The following WDPCP variants were observed in gnomAD, a reference collection of about 807,000 sequenced individuals.
WDPCP encodes the protein WD repeat containing planar cell polarity effector, also known as WD repeat-containing and planar cell polarity effector protein fritz homolog.
WDPCP carries 71 observed loss-of-function variants against 93.1 expected under a neutral mutation model. The ratio of observed to expected loss-of-function variants is 0.76; its 90% CI spans 0.63 to 0.93. The LOEUF is 0.93. Among genes scored for constraint, WDPCP ranks in the 40% least tolerant of loss-of-function variants. The probability of loss-of-function intolerance (pLI) is 0.00; values close to 1 mark genes in which losing one functional copy is unlikely to be tolerated. For missense variants in WDPCP, 844 were observed against 887.4 expected (o/e 0.95, Z 0.62); for synonymous variants, 315 against 315.0 (o/e 1.00, Z 0.00).
At chr2:63,235,416 T>C (rs1285252619) in intron 14 of WDPCP, among the ~76,000 whole-genome samples, 6 of 152,152 alleles carry the variant, frequency 3.9e-5, no homozygotes, top group Non-Finnish European at 5.9e-5. Context: ...TTAAACCAGA[T>C]GTACAAAGAA....
chr2:63,472,361 T>C (rs190992209), intron 6 of WDPCP, among the ~76,000 whole-genome samples: 1 of 152,004 alleles, frequency 6.6e-6, no homozygotes, highest in East Asian at 1.9e-4. Flanking sequence ...TTTCTTTTAT[T>C]CTTCTCTTCT....
chr2:63,532,211 G>A (rs1282339191), intron 1 of WDPCP, among the ~76,000 whole-genome samples: 2 of 152,222 alleles, frequency 1.3e-5, no homozygotes, highest in Admixed American at 6.5e-5. Context: ...ATGGTAATAT[G>A]TGAAAAGACC....
At chr2:63,688,425 TAA>T (rs778929957) in intron 2 of WDPCP, among the ~76,000 whole-genome samples, 11 of 135,620 alleles carry the variant, frequency 8.1e-5, no homozygotes, top group Non-Finnish European at 6.4e-5. Context: ...AGACTCCATC[TAA>T]AAAAAAAAAA....
chr2:63,281,426 C>G (rs750549395), intron 13 of WDPCP, among the ~76,000 whole-genome samples: 4 of 152,154 alleles, frequency 2.6e-5, no homozygotes, highest in African/African-American at 4.8e-5. Flanking sequence ...TGTGGAGATT[C>G]TGTGAAGAAC....
chr2:63,628,137 C>T (rs1258577119), intron 3 of WDPCP, among the ~76,000 whole-genome samples: 1 of 152,134 alleles, frequency 6.6e-6, no homozygotes. Flanking sequence ...GCAGCCTTGT[C>T]GCCGAGGCCC....
intron 17 of WDPCP, among the ~76,000 whole-genome samples, chr2:63,150,522 C>G (rs1028783253): frequency 1.3e-5 from 2 of 152,164 alleles, no homozygotes; most frequent in Non-Finnish European, 2.9e-5. Context: ...GAGCCAGACT[C>G]TTTGGGTTTG....
At chr2:63,750,055 A>AAT (rs1030531306) in intron 2 of WDPCP, among the ~76,000 whole-genome samples, 16 of 152,026 alleles carry the variant, frequency 1.1e-4, no homozygotes, top group African/African-American at 3.6e-4. Context: ...ACAGTGGGAG[A>AAT]ATATATATAT....
chr2:63,248,751 C>T (rs992998330), intron 14 of WDPCP, among the ~76,000 whole-genome samples: 1 of 152,028 alleles, frequency 6.6e-6, no homozygotes, highest in Non-Finnish European at 1.5e-5. Context: ...TTTCAAATAT[C>T]GTATCATAAA....
At position 63,548,833 on chromosome 2, in the gene WDPCP, A is replaced by G. The variant is rs541220000; in HGVS notation, c.75+39364T>C. 3.3e-5 allele frequency among the ~76,000 whole-genome samples: 5 copies of G among 152,280 alleles called. No homozygotes were observed. In the East Asian group the frequency reaches 9.6e-4, roughly 29 times the overall value. On this transcript the variant is annotated intron_variant, in intron 1 of 17. Coordinates refer to ENST00000272321, the MANE Select transcript of WDPCP (RefSeq NM_015910.7). ...AACTAATTCAGCTAGAACTCAACCAAAAAATAATTAAAATAAATGTCTATA... is the reference window on the plus strand; with the variant it reads ...AACTAATTCAGCTAGAACTCAACCAGAAAATAATTAAAATAAATGTCTATA...
At chr2:63,666,455 G>T (rs17619012) in intron 2 of WDPCP, among the ~76,000 whole-genome samples, 25,676 of 152,128 alleles carry the variant, frequency 0.17, 2,940 homozygotes, top group Non-Finnish European at 0.23. Flanking sequence ...ACATGGAATT[G>T]GTTCTCCGTG....
At chr2:63,402,048 C>T (rs1489965379) in intron 10 of WDPCP, among the ~76,000 whole-genome samples, 1 of 151,982 alleles carries the variant, frequency 6.6e-6, no homozygotes, top group Non-Finnish European at 1.5e-5. Flanking sequence ...TTTAAGATAG[C>T]AAAGACATGG....
chr2:63,231,990 C>A (rs1296954799), intron 14 of WDPCP, among the ~76,000 whole-genome samples: 3 of 152,106 alleles, frequency 2.0e-5, no homozygotes, highest in South Asian at 4.1e-4. Flanking sequence ...GAGATATAGA[C>A]CAATGCAACA....
chr2:63,167,919 A>G (rs749677276), intron 15 of WDPCP, among the ~76,000 whole-genome samples: 1 of 152,118 alleles, frequency 6.6e-6, no homozygotes, highest in Non-Finnish European at 1.5e-5. Context: ...GTTCAAGACT[A>G]GCCTGGGCAA....
chr2:63,786,648 C>T (rs1670470022), intron 2 of WDPCP, among the ~76,000 whole-genome samples: 1 of 152,178 alleles, frequency 6.6e-6, no homozygotes, highest in African/African-American at 2.4e-5. Context: ...GACTTGGCCA[C>T]TTACACGGCC....
chr2:63,699,211 T>C (rs1669009637), intron 2 of WDPCP, among the ~76,000 whole-genome samples: 1 of 152,176 alleles, frequency 6.6e-6, no homozygotes, highest in Non-Finnish European at 1.5e-5. Flanking sequence ...TGTAGGTCTC[T>C]CTCTGGCTCA....
chr2:63,274,648 A>G (rs1043444948), intron 13 of WDPCP, among the ~76,000 whole-genome samples: 1 of 152,184 alleles, frequency 6.6e-6, no homozygotes, highest in Non-Finnish European at 1.5e-5. Flanking sequence ...AAAGAAACAG[A>G]AAGGATCATC....
chr2:63,585,746 AG>A, intron 1 of WDPCP, among the ~76,000 whole-genome samples: 2 of 152,306 alleles, frequency 1.3e-5, no homozygotes, highest in East Asian at 1.9e-4. Flanking sequence ...ACTTCATTAA[AG>A]AAAACATTAA....
At chr2:63,811,069 T>C (rs1187890438) in intron 2 of WDPCP, among the ~76,000 whole-genome samples, 1 of 152,208 alleles carries the variant, frequency 6.6e-6, no homozygotes, top group Non-Finnish European at 1.5e-5. Context: ...TTTTTTGGTT[T>C]GTTTGTTGGC....
Position 63,492,746 on chromosome 2 carries a change from G to GAAAGAATAAAGAATAAAGAATAAAT in WDPCP, c.160+109_160+110insATTTATTCTTTATTCTTTATTCTTT, listed in dbSNP as rs1412766642. 24 of 963,298 alleles carry GAAAGAATAAAGAATAAAGAATAAAT rather than the reference G, an allele frequency of 2.5e-5. No individual in the cohort carries two copies. The East Asian group carries it at 5.9e-4, about 24-fold the overall frequency. 59.7% of individuals were successfully genotyped at this position (963,298 alleles called of 1,614,324 possible). A position where few individuals can be genotyped will look rare whatever the true frequency, so the allele number is the denominator to read the frequency against. On this transcript the variant is annotated intron_variant, in intron 2 of 17. Coordinates refer to ENST00000272321, the MANE Select transcript of WDPCP (RefSeq NM_015910.7). Reference sequence around the variant, plus strand: ...TAACCAATTTTTCATTAAGAATAAAGAAAGAATGCAACTCCAGCTGGAGAA... The same window carrying GAAAGAATAAAGAATAAAGAATAAAT: ...TAACCAATTTTTCATTAAGAATAAAGAAAGAATAAAGAATAAAGAATAAATAAAGAATGCAACTCCAGCTGGAGAA...
Sources: allele counts gnomAD v4.1 joint callset (sites outside exome capture counted in the v4.1 genomes callset), GRCh38; gene constraint gnomAD v4.1.1; transcripts MANE v1.5; gene names NCBI Gene and HGNC (gene_info 2026-07-23, HGNC 2026-07-21).